The following CUBN variants were observed in gnomAD, a reference collection of about 807,000 sequenced individuals.
CUBN encodes the protein cubilin.
Under a neutral mutation model 405.3 loss-of-function variants are expected in CUBN, and 282 were observed. The ratio of observed to expected loss-of-function variants is 0.70; its 90% CI spans 0.63 to 0.77. The LOEUF (loss-of-function observed/expected upper bound fraction) is 0.77. Ranked by LOEUF, CUBN falls within the 30% of genes least tolerant of loss-of-function variation. The pLI, the probability that CUBN is intolerant of heterozygous loss-of-function variation, is 0.00. For missense variants in CUBN, 4,514 were observed against 4,475.2 expected (o/e 1.01, Z -0.25); for synonymous variants, 1,684 against 1,617.0 (o/e 1.04, Z -0.99).
chr10:16,877,447 C>T (rs184760387), intron 56 of CUBN, among the ~76,000 whole-genome samples: 1 of 152,220 alleles, frequency 6.6e-6, no homozygotes, highest in Admixed American at 6.6e-5. Context: ...TTTGCTGTCA[C>T]ACTGTAGAGT....
chr10:17,065,413 A>G, intron 22 of CUBN, 95 bp downstream of exon 22: 1 of 1,488,256 alleles, frequency 6.7e-7, no homozygotes, highest in Non-Finnish European at 9.3e-7. Context: ...TGTGTGCCAC[A>G]GGTTTGCGGA....
chr10:16,853,252 T>C (rs1256487464), intron 59 of CUBN, among the ~76,000 whole-genome samples: 1 of 152,160 alleles, frequency 6.6e-6, no homozygotes, highest in Non-Finnish European at 1.5e-5. Context: ...GGAACAGGGA[T>C]TAAACTGGTG....
At chr10:16,898,537 A>G (rs1011259011) in intron 54 of CUBN, among the ~76,000 whole-genome samples, 14 of 152,232 alleles carry the variant, frequency 9.2e-5, no homozygotes, top group African/African-American at 3.1e-4. Context: ...GACAGTCATC[A>G]TAGTCACAAG....
chr10:17,036,159 G>A (rs944809744), intron 27 of CUBN, among the ~76,000 whole-genome samples: 15 of 152,168 alleles, frequency 9.9e-5, no homozygotes, highest in Admixed American at 2.6e-4. Flanking sequence ...TCCATAGGCA[G>A]GCTAGACCCA....
At chr10:16,986,291 G>A (rs1237084491) in intron 29 of CUBN, among the ~76,000 whole-genome samples, 4 of 98,654 alleles carry the variant, frequency 4.1e-5, no homozygotes, top group African/African-American at 1.2e-4. Context: ...CCCCCACCTC[G>A]GGACACTCTG....
intron 1 of CUBN, 89 bp from the exon 2 acceptor site, chr10:17,129,339 G>T: frequency 7.1e-7 from 1 of 1,411,934 alleles, no homozygotes; most frequent in Non-Finnish European, 1.0e-6. Flanking sequence ...AATAACTACA[G>T]GCCAAATACA....
At chr10:17,006,333 T>C (rs894475593) in intron 28 of CUBN, among the ~76,000 whole-genome samples, 1 of 152,198 alleles carries the variant, frequency 6.6e-6, no homozygotes, top group Non-Finnish European at 1.5e-5. Flanking sequence ...CTGTTCATTA[T>C]AGGCTGGGTC....
At chr10:16,858,692 A>T (rs1839933254) in intron 59 of CUBN, among the ~76,000 whole-genome samples, 1 of 152,254 alleles carries the variant, frequency 6.6e-6, no homozygotes, top group Non-Finnish European at 1.5e-5. Flanking sequence ...AGAAAAATGA[A>T]GTGGGATGAA....
At chr10:16,879,646 G>A (rs1005404897) in intron 56 of CUBN, among the ~76,000 whole-genome samples, 1 of 152,148 alleles carries the variant, frequency 6.6e-6, no homozygotes, top group African/African-American at 2.4e-5. Context: ...TCAAAGGTGG[G>A]TGTGTGACCC....
chr10:17,129,625 G>T lies in CUBN; in HGVS notation c.122+19C>A. The T allele has an allele frequency of 1.2e-6, 2 of 1,614,054 alleles. No individual in the cohort carries two copies. The highest frequency in any genetic ancestry group is 2.2e-5 in the South Asian group (2 of 91,022). ...ATTAGCCTAGTCCCTGAGCAGGAAT[G>T]ACCCATGTGTTTACTTACTGTTGGA... On this transcript the variant is annotated intron_variant, in intron 1 of 66. Coordinates refer to ENST00000377833, the MANE Select transcript of CUBN (RefSeq NM_001081.4).
chr10:16,852,848 T>A (rs759908384), intron 59 of CUBN, among the ~76,000 whole-genome samples: 1 of 152,240 alleles, frequency 6.6e-6, no homozygotes, highest in Non-Finnish European at 1.5e-5. Context: ...CAACAAATCT[T>A]TTATTTACAC....
In CUBN at chr10:17,129,725, GT is replaced by G; in HGVS notation, c.40del (p.Thr14ProfsTer3). 1 of 1,614,046 alleles carries G rather than the reference GT, an allele frequency of 6.2e-7. No homozygotes were observed. The highest frequency in any genetic ancestry group is 8.5e-7 in the Non-Finnish European group (1 of 1,179,946). On this transcript the variant is annotated frameshift_variant, in exon 1 of 67. Transcript: ENST00000377833. LOFTEE classifies it high-confidence loss of function. Reference protein sequence around the residue: ...MSLPFLWSLLTLLIFAEVNGE... With the variant: ...MSLPFLWSLLXLLIFAEVNGE... Reference sequence around the variant, plus strand: ...ATTTACTTCAGCAAATATTAATAAGGTAAGCAAACTCCAAAGAAAAGGTAAA... The same window carrying G: ...ATTTACTTCAGCAAATATTAATAAGGAAGCAAACTCCAAAGAAAAGGTAAA...
Position 17,127,825 on chromosome 10 carries a change from T to A in CUBN, c.348+4A>T, listed in dbSNP as rs779470352. 8 of 1,607,292 alleles carry A rather than the reference T, an allele frequency of 5.0e-6. No individual in the cohort carries two copies. The highest frequency in any genetic ancestry group is 5.1e-6 in the Non-Finnish European group (6 of 1,173,882). On this transcript the variant is annotated splice_donor_region_variant and intron_variant, in intron 3 of 66. Coordinates refer to ENST00000377833, the MANE Select transcript of CUBN (RefSeq NM_001081.4). Reference sequence around the variant, plus strand: ...GGTTCTTATGACGTAGATGTCAGACTTACCTTGGAATTAAGCTGATAGATT... The same window carrying A: ...GGTTCTTATGACGTAGATGTCAGACATACCTTGGAATTAAGCTGATAGATT...
At chr10:17,070,193 C>T (rs57872361) in intron 19 of CUBN, among the ~76,000 whole-genome samples, 3,124 of 152,268 alleles carry the variant, frequency 0.021, 111 homozygotes, top group African/African-American at 0.07. Flanking sequence ...TATGTGTTCA[C>T]TTCTGGACTT....
chr10:16,988,354 A>G (rs1159648019), intron 29 of CUBN, among the ~76,000 whole-genome samples: 1 of 152,176 alleles, frequency 6.6e-6, no homozygotes, highest in African/African-American at 2.4e-5. Flanking sequence ...TGCTAGTCCT[A>G]CTTTGTGCTG....
At chr10:17,071,784 C>A in intron 18 of CUBN, 43 bp downstream of exon 18, 2 of 1,596,070 alleles carry the variant, frequency 1.3e-6, no homozygotes, top group African/African-American at 2.7e-5. Flanking sequence ...TAAAATATTA[C>A]AATCAGGCAA....
At chr10:16,946,600 A>G (rs1033240449) in intron 36 of CUBN, among the ~76,000 whole-genome samples, 1 of 148,734 alleles carries the variant, frequency 6.7e-6, no homozygotes, top group African/African-American at 2.5e-5. Context: ...GGTTCAGGGC[A>G]TTCTCCTGCC....
intron 26 of CUBN, 106 bp from the exon 27 acceptor site, chr10:17,041,326 C>T: frequency 2.4e-6 from 2 of 836,506 alleles, no homozygotes; most frequent in Non-Finnish European, 4.1e-6. Flanking sequence ...TGTGTATGTA[C>T]ACACACACAT....
At chr10:16,910,087 C>G (rs151037481) in intron 48 of CUBN, among the ~76,000 whole-genome samples, 1,623 of 150,732 alleles carry the variant, frequency 0.011, 28 homozygotes, top group African/African-American at 0.038. Context: ...TCTCTTTCTC[C>G]CTCTCCTTCT....
Sources: gnomAD v4.1 joint callset for allele counts (sites outside exome capture counted in the v4.1 genomes callset) on GRCh38, gnomAD v4.1.1 for gene constraint, MANE v1.5 for transcripts, NCBI Gene and HGNC (gene_info 2026-07-23, HGNC 2026-07-21) for gene names.